The following ZC3H18 variants were observed in gnomAD, a reference collection of about 807,000 sequenced individuals.
ZC3H18 encodes the protein zinc finger CCCH-type containing 18.
ZC3H18 carries 8 observed loss-of-function variants against 106.1 expected under a neutral mutation model. The ratio of observed to expected loss-of-function variants is 0.08; its 90% confidence interval spans 0.04 to 0.14. The LOEUF (loss-of-function observed/expected upper bound fraction) is 0.14, where lower values mean the gene tolerates loss of function less well. Among genes scored for constraint, ZC3H18 ranks in the 10% least tolerant of loss-of-function variants. The pLI is 1.00. For missense variants in ZC3H18, 1,318 were observed against 1,278.4 expected (o/e 1.03, Z -0.47); for synonymous variants, 635 against 522.1 (o/e 1.22, Z -2.95).
intron 1 of ZC3H18, among the ~76,000 whole-genome samples, chr16:88,571,982 T>C (rs972950449): frequency 6.6e-6 from 1 of 152,210 alleles, no homozygotes; most frequent in Non-Finnish European, 1.5e-5. Flanking sequence ...TCTTTAGAAC[T>C]CCTGTTGTGG....
intron 3 of ZC3H18, 61 bp downstream of exon 3, chr16:88,586,745 G>A: frequency 7.2e-7 from 1 of 1,388,982 alleles, no homozygotes; most frequent in South Asian, 1.2e-5. Context: ...CTGGGGCTGT[G>A]GTGCTGGCTC....
chr16:88,627,679 T>C lies in ZC3H18; in HGVS notation c.2166T>C (p.Ser722=). 2 of 1,613,752 alleles carry C rather than the reference T, an allele frequency of 1.2e-6. No individual in the cohort carries two copies. The highest frequency in any genetic ancestry group is 2.7e-5 in the African/African-American group (2 of 75,048). ...SVSSATSSSS[S]AHSVDSEDMY... is the part of the protein sequence containing the mutation. Reference sequence around the variant, plus strand: ...CCAGTGCTACGTCGAGCAGCAGCTCTGCACACAGCGTGGACTCGGAGGACA... The same window carrying C: ...CCAGTGCTACGTCGAGCAGCAGCTCCGCACACAGCGTGGACTCGGAGGACA... The change falls in exon 14 of 18, where the codon TCT becomes TCC. Residue 722 remains serine (S), a synonymous_variant. Coordinates refer to ENST00000301011, the MANE Select transcript of ZC3H18 (RefSeq NM_144604.4). The surrounding 1 kb of genome is among the most constrained non-coding windows in gnomAD (Gnocchi z 4.5).
At chr16:88,605,519 G>T (rs1904969886) in intron 6 of ZC3H18, among the ~76,000 whole-genome samples, 1 of 152,242 alleles carries the variant, frequency 6.6e-6, no homozygotes, top group Non-Finnish European at 1.5e-5. Context: ...AGCAAGCAGG[G>T]ACACGTGAGC....
At chr16:88,580,828 TC>T (rs1164774984) in intron 2 of ZC3H18, among the ~76,000 whole-genome samples, 9 of 152,182 alleles carry the variant, frequency 5.9e-5, no homozygotes, top group Non-Finnish European at 8.8e-5. Context: ...AAGTGTCCGT[TC>T]TAGAAGACAT....
intron 2 of ZC3H18, among the ~76,000 whole-genome samples, chr16:88,580,154 A>AT (rs1166302801): frequency 1.5e-4 from 20 of 132,146 alleles, no homozygotes; most frequent in Non-Finnish European, 2.9e-4. Flanking sequence ...ACACAGGTTC[A>AT]TCTGTGTGTG....
At chr16:88,581,925 C>G (rs986020686) in intron 2 of ZC3H18, among the ~76,000 whole-genome samples, 6 of 152,220 alleles carry the variant, frequency 3.9e-5, no homozygotes, top group Non-Finnish European at 7.3e-5. Context: ...ACTCCATGTT[C>G]CGTGTTTATA....
At chr16:88,573,614 G>T (rs1381190508) in intron 1 of ZC3H18, among the ~76,000 whole-genome samples, 2 of 151,902 alleles carry the variant, frequency 1.3e-5, no homozygotes, top group African/African-American at 4.8e-5. Flanking sequence ...GTCTTACCAT[G>T]TTATCTAGGC....
chr16:88,625,370 G>C, intron 13 of ZC3H18, 103 bp downstream of exon 13: 1 of 1,427,734 alleles, frequency 7.0e-7, no homozygotes, highest in Non-Finnish European at 9.6e-7. Context: ...AGGTGGGCTG[G>C]GGCCCTTCTG....
intron 3 of ZC3H18, among the ~76,000 whole-genome samples, chr16:88,588,240 CTGTACACATGTACG>C (rs1915549869): frequency 6.6e-6 from 1 of 152,226 alleles, no homozygotes; most frequent in Non-Finnish European, 1.5e-5. Flanking sequence ...GGAGAACAAT[CTGTACACATGTACG>C]TGTACACATT....
At chr16:88,605,277 A>G (rs1404243471) in intron 6 of ZC3H18, among the ~76,000 whole-genome samples, 1 of 152,270 alleles carries the variant, frequency 6.6e-6, no homozygotes, top group Non-Finnish European at 1.5e-5. Context: ...GACTCAGGGC[A>G]GATGGATGTA....
chr16:88,624,204 G>C, intron 11 of ZC3H18, 142 bp downstream of exon 11: 1 of 1,152,116 alleles, frequency 8.7e-7, no homozygotes, highest in Non-Finnish European at 1.2e-6. Context: ...GGGGTGACTG[G>C]GCTGGGAGGC....
intron 1 of ZC3H18, chr16:88,571,634 G>A: frequency 1.0e-6 from 1 of 985,386 alleles, no homozygotes; most frequent in East Asian, 1.1e-4. Context: ...CTGAAATATT[G>A]TAAGAAAGCT....
At chr16:88,593,038 A>G (rs1419848268) in intron 3 of ZC3H18, among the ~76,000 whole-genome samples, 5 of 152,242 alleles carry the variant, frequency 3.3e-5, no homozygotes, top group African/African-American at 1.2e-4. Context: ...ACAGTAAGAG[A>G]TTAACAACAA....
Position 88,624,742 on chromosome 16 carries a change from G to T in ZC3H18, c.2039G>T (p.Arg680Met). Residue 680 changes from arginine to methionine, a missense_variant, in exon 12 of 18, where the codon AGG becomes ATG. This residue lies in a region of ZC3H18 where 848 missense variants were observed against 821.7 expected (regional missense o/e 1.03). Coordinates refer to ENST00000301011, the MANE Select transcript of ZC3H18 (RefSeq NM_144604.4). ...RKERPARTPP[R>M]RRTLSGSGSG... The stretch of plus-strand genomic sequence containing the variant: ...GAGCGGCCAGCCAGGACCCCCCCCA[G>T]GAGGTGAGCACTCCGGCGTCCGGGG... 1 of 1,611,512 alleles carries T rather than the reference G, an allele frequency of 6.2e-7. No homozygotes were observed.
chr16:88,606,221 A>G (rs12445056), intron 6 of ZC3H18, among the ~76,000 whole-genome samples: 11,605 of 152,332 alleles, frequency 0.076, 519 homozygotes, highest in Non-Finnish European at 0.098. Flanking sequence ...TGAATTAAAT[A>G]CCTTCCAAAT....
At chr16:88,613,912 CAGAG>C (rs1160370242) in intron 8 of ZC3H18, among the ~76,000 whole-genome samples, 1 of 151,880 alleles carries the variant, frequency 6.6e-6, no homozygotes, top group Non-Finnish European at 1.5e-5. Flanking sequence ...GGCTGGGTGA[CAGAG>C]AGAGACCCTG....
At chr16:88,580,759 C>T (rs958763336) in intron 2 of ZC3H18, among the ~76,000 whole-genome samples, 8 of 152,188 alleles carry the variant, frequency 5.3e-5, no homozygotes, top group African/African-American at 1.9e-4. Flanking sequence ...TCCCACCAGG[C>T]CTTTCGCCCG....
At position 88,631,802 on chromosome 16, in the gene ZC3H18, T is replaced by C; in HGVS notation, c.*503T>C. 1 of 299,118 alleles carries C rather than the reference T, an allele frequency of 3.3e-6. No homozygotes were observed. Among genetic ancestry groups the C allele is most frequent in the Non-Finnish European group, 6.6e-6 (1 of 151,614 alleles). The allele number at this position is 299,118 out of a possible 1,614,324, so 18.5% of individuals were successfully genotyped here. On this transcript the variant is annotated 3_prime_UTR_variant, in exon 18 of 18. Coordinates refer to ENST00000301011, the MANE Select transcript of ZC3H18 (RefSeq NM_144604.4). ...TCTCGACTAAAGTCTCATCAGGAAA[T>C]ATTTCCTGTCTTTTATTTTAAGCAT...
chr16:88,628,602 T>C, intron 15 of ZC3H18, 156 bp from the exon 16 acceptor site: 2 of 737,482 alleles, frequency 2.7e-6, no homozygotes, highest in Non-Finnish European at 4.6e-6. Flanking sequence ...GTCCGGGTCC[T>C]GGAGGCCTCA....
Sources: gnomAD v4.1 joint callset for allele counts (sites outside exome capture counted in the v4.1 genomes callset) on GRCh38, gnomAD v4.1.1 for gene constraint, gnomAD v4.1.1 regional missense constraint, Gnocchi (gnomAD v3.1) non-coding constraint, MANE v1.5 for transcripts, NCBI Gene and HGNC (gene_info 2026-07-23, HGNC 2026-07-21) for gene names.